The following SIRPB2 variants were observed in gnomAD, a reference collection of about 807,000 sequenced individuals.
SIRPB2 encodes the protein signal-regulatory protein beta-2.
Under a neutral mutation model 27.1 loss-of-function variants are expected in SIRPB2, and 18 were observed. The ratio of observed to expected loss-of-function variants is 0.66; its 90% CI spans 0.46 to 0.98. SIRPB2 has a LOEUF of 0.98. SIRPB2 is among the 50% of genes least tolerant of loss of function. SIRPB2 has a pLI of 0.00. For synonymous variants in SIRPB2, 150 were observed against 164.6 expected, an observed-to-expected ratio of 0.91 and a Z score of 0.68; for missense variants, 420 against 417.4, an observed-to-expected ratio of 1.01 and a Z score of -0.06.
At chr20:1,485,655 A>C (rs1410770246) in intron 1 of SIRPB2, among the ~76,000 whole-genome samples, 8 of 147,168 alleles carry the variant, frequency 5.4e-5, no homozygotes, top group Admixed American at 2.0e-4. Context: ...CACACACACC[A>C]CACACACACA....
chr20:1,484,339 A>G (rs2090703749), intron 1 of SIRPB2, among the ~76,000 whole-genome samples: 2 of 152,234 alleles, frequency 1.3e-5, no homozygotes, highest in East Asian at 3.8e-4. Flanking sequence ...AGACAAAAAT[A>G]GACAAATGGG....
chr20:1,488,437 T>C (rs1488545526), intron 1 of SIRPB2, among the ~76,000 whole-genome samples: 1 of 151,872 alleles, frequency 6.6e-6, no homozygotes, highest in East Asian at 1.9e-4. Flanking sequence ...CTGGGCAATA[T>C]GGTGAAATTT....
intron 1 of SIRPB2, among the ~76,000 whole-genome samples, chr20:1,486,076 CTT>C (rs200298743): frequency 1.8e-4 from 26 of 141,410 alleles, no homozygotes; most frequent in Admixed American, 2.8e-4. Context: ...CTTTTCTTTT[CTT>C]TTTTTTTTTT....
At chr20:1,479,472 A>G in intron 2 of SIRPB2, 1 of 628,490 alleles carries the variant, frequency 1.6e-6, no homozygotes, top group East Asian at 2.8e-5. Flanking sequence ...TGCCATCTTT[A>G]TGAGAAAACA....
chr20:1,470,905 C>T (rs1057514101), downstream of SIRPB2: 6 of 152,216 alleles, frequency 3.9e-5, no homozygotes, highest in African/African-American at 1.4e-4. Flanking sequence ...GAGGGTCCCC[C>T]AGCACCAGCT....
At chr20:1,488,404 G>T (rs779417413) in intron 1 of SIRPB2, among the ~76,000 whole-genome samples, 1 of 152,158 alleles carries the variant, frequency 6.6e-6, no homozygotes, top group Non-Finnish European at 1.5e-5. Flanking sequence ...CGGATCACTG[G>T]ATCCCAGGAG....
chr20:1,476,366 G>A, intron 4 of SIRPB2, 30 bp from the exon 5 acceptor site: 1 of 1,592,158 alleles, frequency 6.3e-7, no homozygotes, highest in African/African-American at 1.4e-5. Context: ...GCTCAGGCGG[G>A]ACCCGTGGTG....
chr20:1,477,466 C>T (rs1032502873), intron 3 of SIRPB2, 63 bp from the exon 4 acceptor site: 23 of 1,552,488 alleles, frequency 1.5e-5, no homozygotes, highest in Non-Finnish European at 2.0e-5. Flanking sequence ...CTTCCTAAGT[C>T]CCAGGAGCTG....
intron 2 of SIRPB2, chr20:1,479,003 A>G (rs2090638803): frequency 5.4e-6 from 1 of 186,234 alleles, no homozygotes; most frequent in Admixed American, 5.3e-5. Context: ...ACTCCCACGT[A>G]CAGATACTCT....
At chr20:1,477,995 G>T (rs980263840) in intron 3 of SIRPB2, 16 of 589,162 alleles carry the variant, frequency 2.7e-5, no homozygotes, top group Admixed American at 1.5e-4. Flanking sequence ...AATTATTAAT[G>T]ATCTATACAG....
At chr20:1,471,610 G>A (rs1414327056), downstream of SIRPB2, among the ~76,000 whole-genome samples, 1 of 152,132 alleles carries the variant, frequency 6.6e-6, no homozygotes, top group African/African-American at 2.4e-5. Flanking sequence ...ACTTTCTCAG[G>A]CCAATGACAT....
chr20:1,482,771 T>TA (rs60050798), intron 1 of SIRPB2, among the ~76,000 whole-genome samples: 2,275 of 151,822 alleles, frequency 0.015, 66 homozygotes, highest in African/African-American at 0.052. Flanking sequence ...ATTTCATTAT[T>TA]TTTTTTTCAC....
chr20:1,483,193 G>A (rs1442493272), intron 1 of SIRPB2, among the ~76,000 whole-genome samples: 1 of 150,372 alleles, frequency 6.7e-6, no homozygotes, highest in Admixed American at 6.6e-5. Context: ...TGCAACCTCC[G>A]CCTCCTGGGG....
At chr20:1,484,955 G>A (rs2090711177) in intron 1 of SIRPB2, among the ~76,000 whole-genome samples, 1 of 152,142 alleles carries the variant, frequency 6.6e-6, no homozygotes, top group Non-Finnish European at 1.5e-5. Flanking sequence ...AATGAAGATG[G>A]AGTTCATTAT....
At position 1,476,257 on chromosome 20, in the gene SIRPB2, G is replaced by C; in HGVS notation, c.939C>G (p.Thr313=). The change falls in exon 5 of 5, where the codon ACC becomes ACG. Residue 313 remains threonine (T), a synonymous_variant. Transcript: ENST00000359801. ...CTTCTTGCCCAGGGCTCCTCCGAGAGGTAGCCAGGGCCAGTAGGAGTGCAG... is the reference window on the plus strand; with the variant it reads ...CTTCTTGCCCAGGGCTCCTCCGAGACGTAGCCAGGGCCAGTAGGAGTGCAG... ...TLAALLLALA[T]SRRSPGQEDV... 2 of 1,614,058 alleles carry C rather than the reference G, an allele frequency of 1.2e-6. No individual in the cohort carries two copies. The highest frequency in any genetic ancestry group is 1.7e-6 in the Non-Finnish European group (2 of 1,180,008).
In SIRPB2 at chr20:1,489,838, G is replaced by A. The variant is rs11905493; in HGVS notation, c.85+1437C>T. Among the ~76,000 whole-genome samples, 1,089 of 152,234 alleles carry A rather than the reference G, an allele frequency of 7.2e-3. 17 individuals carry two copies. Among genetic ancestry groups the A allele is most frequent in the African/African-American group, 0.025 (1,021 of 41,546 alleles). The stretch of plus-strand genomic sequence containing the variant: ...TGAGGCTCAATCCTGGGCCAGCTAC[G>A]TAATTTGTGAGGCCAAGTGCAAAAC... On this transcript the variant is annotated intron_variant, in intron 1 of 4. Transcript: ENST00000359801.
At chr20:1,484,651 T>A (rs533749715) in intron 1 of SIRPB2, among the ~76,000 whole-genome samples, 140 of 151,334 alleles carry the variant, frequency 9.3e-4, no homozygotes, top group Non-Finnish European at 1.8e-3. Context: ...CAATGAGATA[T>A]CATCTTACCC....
chr20:1,478,254 CAA>C lies in SIRPB2; in HGVS notation c.793+10_793+11del. On this transcript the variant is annotated intron_variant, in intron 3 of 4. Coordinates refer to ENST00000359801, the MANE Select transcript of SIRPB2 (RefSeq NM_001122962.2). ...TCCGCTCTCCCGACAAGTCCAAAAC[CAA>C]TTGTCTCACCTTTCACTTTCAGGCT... The C allele has an allele frequency of 6.2e-7, 1 of 1,607,514 alleles. No individual in the cohort carries two copies. The highest frequency in any genetic ancestry group is 8.5e-7 in the Non-Finnish European group (1 of 1,175,176).
rs958839 is a variant in SIRPB2 at position 1,491,257 on chromosome 20, A to G, written c.85+18T>C. The G allele has an allele frequency of 0.081, 129,379 of 1,604,618 alleles. 11,149 individuals carry two copies. The highest frequency in any genetic ancestry group is 0.44 in the African/African-American group (33,079 of 74,448). On this transcript the variant is annotated intron_variant, in intron 1 of 4. Transcript: ENST00000359801. ...ACCAGCCGGGGGTGGACCCTGTTCT[A>G]TCCTAGACCCCACTTACCTGAGGGG...
Sources: allele counts gnomAD v4.1 joint callset (sites outside exome capture counted in the v4.1 genomes callset), GRCh38; gene constraint gnomAD v4.1.1; transcripts MANE v1.5; gene names NCBI Gene and HGNC (gene_info 2026-07-23, HGNC 2026-07-21).